ZBBX: variants seen among roughly 807,000 people sequenced by gnomAD.
ZBBX encodes the protein zinc finger B-box domain-containing protein 1.
A neutral mutation model predicts 108.5 loss-of-function variants in ZBBX; 101 were observed. The observed-to-expected ratio is 0.93, with a 90% CI of 0.79 to 1.10. ZBBX has a LOEUF of 1.10. ZBBX is among the 50% of genes least tolerant of loss of function. ZBBX has a pLI of 0.00. For synonymous variants in ZBBX, 356 were observed against 323.4 expected, an observed-to-expected ratio of 1.10 and a Z score of -1.08; for missense variants, 1,009 against 941.4, an observed-to-expected ratio of 1.07 and a Z score of -0.94.
the ZBBX span, among the ~76,000 whole-genome samples, chr3:167,191,777 T>C: frequency 1.3e-5 from 2 of 151,590 alleles, no homozygotes; most frequent in East Asian, 2.0e-4. Flanking sequence ...GTGATCTTGT[T>C]GTGAAGGCCC....
In ZBBX at chr3:167,364,257, T is replaced by C. The variant is rs1337920714; in HGVS notation, c.273+1629A>G. Among the ~76,000 whole-genome samples, 5 of 151,692 alleles carry C rather than the reference T, an allele frequency of 3.3e-5. No homozygotes were observed. In the East Asian group the frequency reaches 9.7e-4, roughly 29 times the overall value. Reference sequence around the variant, plus strand: ...CTCTCAATGTTAACAACTGAAAATGTCTCCAGACTTTGTCAAATGTCTCCT... The same window carrying C: ...CTCTCAATGTTAACAACTGAAAATGCCTCCAGACTTTGTCAAATGTCTCCT... On this transcript the variant is annotated intron_variant, in intron 6 of 21. Transcript: ENST00000675490.
chr3:167,204,203 T>TG, the ZBBX span, among the ~76,000 whole-genome samples: 1 of 149,972 alleles, frequency 6.7e-6, no homozygotes, highest in African/African-American at 2.4e-5. Context: ...TTTTTCTTTT[T>TG]TTTTTTTTTA....
At chr3:167,210,021 T>C in the ZBBX span, among the ~76,000 whole-genome samples, 1 of 152,094 alleles carries the variant, frequency 6.6e-6, no homozygotes, top group Non-Finnish European at 1.5e-5. Context: ...ACCTAGGAAG[T>C]GGAGGTTGCA....
At chr3:167,352,727 A>AG (rs1206870133) in intron 8 of ZBBX, among the ~76,000 whole-genome samples, 1 of 151,992 alleles carries the variant, frequency 6.6e-6, no homozygotes, top group Admixed American at 6.6e-5. Flanking sequence ...TTCTCAAAAA[A>AG]AAAAAAAGCT....
intron 12 of ZBBX, among the ~76,000 whole-genome samples, chr3:167,320,861 T>A (rs1196575658): frequency 6.6e-6 from 1 of 151,854 alleles, no homozygotes; most frequent in African/African-American, 2.4e-5. Flanking sequence ...ATGAAACACC[T>A]GGCAAGTACT....
chr3:167,264,911 G>A (rs1480810254), intron 20 of ZBBX, among the ~76,000 whole-genome samples: 1 of 152,222 alleles, frequency 6.6e-6, no homozygotes, highest in Non-Finnish European at 1.5e-5. Context: ...TAAAGCCCAC[G>A]GGCTCTTCCA....
chr3:167,335,937 T>A, intron 9 of ZBBX, among the ~76,000 whole-genome samples: 1 of 152,164 alleles, frequency 6.6e-6, no homozygotes, highest in Middle Eastern at 3.4e-3. Context: ...TCAATGGTAA[T>A]GCTTCACTCT....
chr3:167,324,591 C>T (rs1353159791), intron 11 of ZBBX, among the ~76,000 whole-genome samples: 1 of 152,148 alleles, frequency 6.6e-6, no homozygotes, highest in Non-Finnish European at 1.5e-5. Context: ...TTCCTAGGCA[C>T]ACCAATTATC....
chr3:167,208,438 TAC>T, the ZBBX span, among the ~76,000 whole-genome samples: 3 of 151,850 alleles, frequency 2.0e-5, no homozygotes, highest in Non-Finnish European at 2.9e-5. Flanking sequence ...GAGAGGAGAG[TAC>T]AGAGGGCTTT....
intron 20 of ZBBX, among the ~76,000 whole-genome samples, chr3:167,269,537 T>C (rs1323260681): frequency 6.6e-6 from 1 of 152,128 alleles, no homozygotes; most frequent in Non-Finnish European, 1.5e-5. Flanking sequence ...AAGGAAAACT[T>C]CAGATTCCCA....
At chr3:167,184,007 C>T in the ZBBX span, among the ~76,000 whole-genome samples, 2 of 152,084 alleles carry the variant, frequency 1.3e-5, no homozygotes, top group Admixed American at 6.5e-5. Context: ...CATCTATAGA[C>T]TAATGAAAAT....
intron 1 of ZBBX, among the ~76,000 whole-genome samples, chr3:167,403,288 G>C (rs1295938971): frequency 6.6e-6 from 1 of 152,050 alleles, no homozygotes; most frequent in South Asian, 2.1e-4. Context: ...ACTAAAAAAC[G>C]ATTATCAACT....
intron 10 of ZBBX, among the ~76,000 whole-genome samples, chr3:167,330,973 C>CTCTCTCT (rs1377045353): frequency 1.3e-5 from 2 of 148,988 alleles, no homozygotes; most frequent in African/African-American, 2.5e-5. Flanking sequence ...CTCCCCCACT[C>CTCTCTCT]CCCTTCTGTA....
chr3:167,287,576 A>G (rs1729924011), intron 19 of ZBBX, among the ~76,000 whole-genome samples: 1 of 152,136 alleles, frequency 6.6e-6, no homozygotes. Flanking sequence ...TTTTTATAGC[A>G]AATTATTGAT....
intron 1 of ZBBX, among the ~76,000 whole-genome samples, chr3:167,398,082 A>G (rs1193102401): frequency 6.6e-6 from 1 of 151,960 alleles, no homozygotes; most frequent in Non-Finnish European, 1.5e-5. Context: ...GATGAGAAAA[A>G]AAAATGAACG....
chr3:167,396,669 A>G (rs897583858), intron 1 of ZBBX, among the ~76,000 whole-genome samples: 4 of 152,052 alleles, frequency 2.6e-5, no homozygotes, highest in Non-Finnish European at 5.9e-5. Flanking sequence ...AGTAAAAATA[A>G]ACTTCTAAAA....
intron 17 of ZBBX, among the ~76,000 whole-genome samples, chr3:167,304,088 A>T (rs7629638): frequency 0.05 from 7,656 of 152,216 alleles, 528 homozygotes; most frequent in African/African-American, 0.15. Flanking sequence ...GGAGCAGTCC[A>T]TACTGTCTTA....
intron 4 of ZBBX, chr3:167,368,826 T>A: frequency 2.8e-6 from 2 of 706,800 alleles, no homozygotes; most frequent in Non-Finnish European, 3.6e-6. Context: ...AAATTATAAT[T>A]AACTTCATAT....
At chr3:167,399,909 C>T (rs1404182499) in intron 1 of ZBBX, among the ~76,000 whole-genome samples, 2 of 152,070 alleles carry the variant, frequency 1.3e-5, no homozygotes, top group African/African-American at 2.4e-5. Context: ...TCCTGTGTGT[C>T]CATGTGTACT....
Sources: allele counts gnomAD v4.1 joint callset (sites outside exome capture counted in the v4.1 genomes callset), GRCh38; gene constraint gnomAD v4.1.1; transcripts MANE v1.5; gene names NCBI Gene and HGNC (gene_info 2026-07-23, HGNC 2026-07-21).